The following DHCR24 variants were observed in gnomAD, a reference collection of about 807,000 sequenced individuals.
The protein encoded by DHCR24 is delta(24)-sterol reductase.
In DHCR24, 28 loss-of-function variants were observed where a neutral mutation model predicts 61.2. That is an observed-to-expected ratio of 0.46 (90% CI 0.34 to 0.63). The LOEUF (loss-of-function observed/expected upper bound fraction) is 0.63, where lower values mean the gene tolerates loss of function less well. DHCR24 is among the 20% of genes least tolerant of loss of function. DHCR24 has a pLI of 0.01. For missense variants in DHCR24, 538 were observed against 679.1 expected, an observed-to-expected ratio of 0.79 and a Z score of 2.31; for synonymous variants, 261 against 275.9, an observed-to-expected ratio of 0.95 and a Z score of 0.54.
Position 54,871,498 on chromosome 1 carries a change from T to C in DHCR24, c.728A>G (p.Glu243Gly). The C allele has an allele frequency of 1.2e-6, 2 of 1,614,178 alleles. No individual in the cohort carries two copies. Among genetic ancestry groups the C allele is most frequent in the Non-Finnish European group, 1.7e-6 (2 of 1,180,018 alleles). The change falls in exon 5 of 9, where the codon GAG (glutamate) becomes GGG (glycine). Residue 243 changes from glutamate to glycine, a missense_variant. Coordinates refer to ENST00000371269, the MANE Select transcript of DHCR24 (RefSeq NM_014762.4). Reference protein sequence around the residue: ...PAKKYVKLRFEPVRGLEAICA... With the variant: ...PAKKYVKLRFGPVRGLEAICA... ...GATAGCCTCCAGGCCCCGCACTGGCTCGAAACGCAGCTTGACGTACTTCTT... is the reference window on the plus strand; with the variant it reads ...GATAGCCTCCAGGCCCCGCACTGGCCCGAAACGCAGCTTGACGTACTTCTT...
Position 54,871,369 on chromosome 1 carries a change from T to A in DHCR24, c.857A>T (p.Asp286Val). 1 of 1,614,058 alleles carries A rather than the reference T, an allele frequency of 6.2e-7. No homozygotes were observed. The change falls in exon 5 of 9, where the codon GAT becomes GTT. Residue 286 changes from aspartate to valine, a missense_variant. Coordinates refer to ENST00000371269, the MANE Select transcript of DHCR24 (RefSeq NM_014762.4). The stretch of plus-strand genomic sequence containing the variant: ...GCTTACCTTGCTGGGCTCTGCCTCA[T>A]CTGTCATGACCCCTGTCATAATGAC... ...EAVIMTGVMTDEAEPSKLNSI... is the reference protein window; with the variant it reads ...EAVIMTGVMTVEAEPSKLNSI...
rs765395202 is a variant in DHCR24 at position 54,875,934 on chromosome 1, G to T, written c.493+8C>A. 6.2e-7 allele frequency: 1 copy of T among 1,611,452 alleles called. No homozygotes were observed. The highest frequency in any genetic ancestry group is 8.5e-7 in the Non-Finnish European group (1 of 1,177,632). Reference sequence around the variant, plus strand: ...GTCTCTTCTTGCCCGTTAATATAGGGTCCTCACCCACTGTGAGGTCATCAA... The same window carrying T: ...GTCTCTTCTTGCCCGTTAATATAGGTTCCTCACCCACTGTGAGGTCATCAA... On this transcript the variant is annotated splice_region_variant and intron_variant, in intron 3 of 8. Transcript: ENST00000371269.
chr1:54,851,944 A>G lies in DHCR24; in HGVS notation c.*289T>C. The G allele has an allele frequency of 2.1e-6, 1 of 480,490 alleles. No individual in the cohort carries two copies. The highest frequency in any genetic ancestry group is 3.8e-6 in the Non-Finnish European group (1 of 261,504). 29.8% of individuals were successfully genotyped at this position (480,490 alleles called of 1,614,324 possible). ...TAGGTATTACTATCCCTTTCAACTA[A>G]TGAAGAGACCCGGGCTCAGAGGGGT... On this transcript the variant is annotated 3_prime_UTR_variant, in exon 9 of 9. Transcript: ENST00000371269.
chr1:54,853,957 C>T (rs931589926), intron 7 of DHCR24, 80 bp downstream of exon 7: 37 of 1,392,608 alleles, frequency 2.7e-5, no homozygotes, highest in East Asian at 2.2e-4. Flanking sequence ...TGCCCAAGGT[C>T]GGTCACACGG....
intron 4 of DHCR24, among the ~76,000 whole-genome samples, chr1:54,873,962 T>C (rs2101571852): frequency 8.6e-6 from 1 of 115,652 alleles, no homozygotes; most frequent in East Asian, 2.0e-4. Flanking sequence ...GTGTCTAAGT[T>C]TTTAACAAAA....
intron 4 of DHCR24, among the ~76,000 whole-genome samples, chr1:54,873,968 C>CA (rs34608868): frequency 0.46 from 69,950 of 151,668 alleles, 18,382 homozygotes; most frequent in South Asian, 0.67. Context: ...AAGTTTTTAA[C>CA]AAAAAAACTT....
rs528261320 is a variant in DHCR24 at position 54,860,255 on chromosome 1, C to CAT, written c.1020+5047_1020+5048insAT. ...TTGTTACTGTGATCTTAGCCTACTA[C>CAT]AGCAATGCAGCATCTCTTAATCTGA... is the stretch of plus-strand genomic sequence containing the variant. On this transcript the variant is annotated intron_variant, in intron 6 of 8. Coordinates refer to ENST00000371269, the MANE Select transcript of DHCR24 (RefSeq NM_014762.4). Among the ~76,000 whole-genome samples the CAT allele has an allele frequency of 1.7e-3, 260 of 152,330 alleles. 1 individual carries two copies. Among genetic ancestry groups the CAT allele is most frequent in the African/African-American group, 6.0e-3 (249 of 41,576 alleles).
At chr1:54,875,276 G>C in intron 3 of DHCR24, 65 bp from the exon 4 acceptor site, 1 of 1,442,478 alleles carries the variant, frequency 6.9e-7, no homozygotes. Context: ...GGGTGGGTTG[G>C]AGCTGGGGGG....
chr1:54,857,435 C>T (rs183121399), intron 6 of DHCR24, among the ~76,000 whole-genome samples: 9 of 152,320 alleles, frequency 5.9e-5, no homozygotes, highest in Admixed American at 3.3e-4. Context: ...GTTAGCCAAC[C>T]GCTTATACTA....
At chr1:54,886,811 C>G (rs999751360) in intron 1 of DHCR24, 78 bp downstream of exon 1, 94 of 1,563,790 alleles carry the variant, frequency 6.0e-5, no homozygotes, top group Admixed American at 4.6e-4. Context: ...CCGCAGCTCC[C>G]GTCGCCACCT....
chr1:54,876,114 C>A, intron 2 of DHCR24, 67 bp from the exon 3 acceptor site: 1 of 1,247,188 alleles, frequency 8.0e-7, no homozygotes, highest in Non-Finnish European at 1.2e-6. Context: ...AGCTGCTGCA[C>A]ACAGAAGGTG....
chr1:54,876,183 C>G, intron 2 of DHCR24, 136 bp from the exon 3 acceptor site: 1 of 708,592 alleles, frequency 1.4e-6, no homozygotes, highest in Non-Finnish European at 2.6e-6. Flanking sequence ...TTTACAGGCT[C>G]TTTCTAGAAC....
chr1:54,867,197 CT>C (rs1169540340), intron 5 of DHCR24, among the ~76,000 whole-genome samples: 1 of 152,236 alleles, frequency 6.6e-6, no homozygotes, highest in African/African-American at 2.4e-5. Flanking sequence ...TCTGGGCCTC[CT>C]CTGTGAAATG....
rs1647022186 is a variant in DHCR24 at position 54,875,528 on chromosome 1, AG to A, written c.494-318del. 3.9e-5 allele frequency among the ~76,000 whole-genome samples: 6 copies of A among 152,158 alleles called. No homozygotes were observed. In the South Asian group the frequency reaches 1.2e-3, roughly 32 times the overall value. On this transcript the variant is annotated intron_variant, in intron 3 of 8. Transcript: ENST00000371269. ...CATCTTGAGAGGGACTTTAATGAAA[AG>A]GGGGGTTGAAGGGGTGACAGGAAGC...
intron 5 of DHCR24, among the ~76,000 whole-genome samples, chr1:54,867,500 C>A (rs1646973812): frequency 1.3e-5 from 2 of 152,026 alleles, no homozygotes; most frequent in South Asian, 2.1e-4. Flanking sequence ...GCCTCACAGT[C>A]TTCTCCTTGG....
intron 5 of DHCR24, among the ~76,000 whole-genome samples, chr1:54,867,484 C>G (rs190441513): frequency 1.0e-3 from 152 of 152,206 alleles, no homozygotes; most frequent in Non-Finnish European, 1.8e-3. Flanking sequence ...GGGTAAGGCT[C>G]TCTGTGCCTC....
At chr1:54,868,047 T>C (rs1377983693) in intron 5 of DHCR24, among the ~76,000 whole-genome samples, 1 of 152,206 alleles carries the variant, frequency 6.6e-6, no homozygotes, top group Non-Finnish European at 1.5e-5. Context: ...ATTTCCTTAT[T>C]TGTAGAGAGG....
intron 6 of DHCR24, among the ~76,000 whole-genome samples, chr1:54,864,798 G>A (rs1051555468): frequency 1.3e-5 from 2 of 152,228 alleles, no homozygotes; most frequent in Admixed American, 6.5e-5. Context: ...TGCTCACAAA[G>A]TCATCTCCTG....
At chr1:54,854,333 C>T (rs1397995309) in intron 6 of DHCR24, 99 bp from the exon 7 acceptor site, 1 of 1,023,690 alleles carries the variant, frequency 9.8e-7, no homozygotes, top group Non-Finnish European at 1.5e-6. Flanking sequence ...CTGTGCTTGA[C>T]AGAAGCACGC....
Sources: allele counts gnomAD v4.1 joint callset (sites outside exome capture counted in the v4.1 genomes callset), GRCh38; gene constraint gnomAD v4.1.1; transcripts MANE v1.5; gene names NCBI Gene and HGNC (gene_info 2026-07-23, HGNC 2026-07-21).